GRHL1: variants seen among roughly 807,000 people sequenced by gnomAD.
GRHL1 encodes the protein grainyhead like transcription factor 1.
GRHL1 carries 38 observed loss-of-function variants against 75.7 expected under a neutral mutation model. That is an observed-to-expected ratio of 0.50 (90% confidence interval 0.39 to 0.66). The LOEUF (loss-of-function observed/expected upper bound fraction) is 0.66, where lower values mean the gene tolerates loss of function less well. GRHL1 is among the 30% of genes least tolerant of loss of function. The pLI is 0.00. For missense variants in GRHL1, 589 were observed against 767.5 expected (o/e 0.77, Z 2.75); for synonymous variants, 266 against 279.4 (o/e 0.95, Z 0.48).
chr2:9,966,074 T>C (rs1667481780), intron 8 of GRHL1: 1 of 152,240 alleles, frequency 6.6e-6, no homozygotes, highest in Non-Finnish European at 1.5e-5. Flanking sequence ...CTTTCTTTCT[T>C]TGGATTACTT....
Position 9,968,614 on chromosome 2 carries a change from G to A in GRHL1, c.1110+3233G>A, listed in dbSNP as rs577554358. Among the ~76,000 whole-genome samples, 37 of 152,276 alleles carry A rather than the reference G, an allele frequency of 2.4e-4. No individual in the cohort carries two copies. The highest frequency in any genetic ancestry group is 8.2e-4 in the African/African-American group (34 of 41,550). ...AATTGCCTTTGAAGCATTAAAAGAT[G>A]GAGCTTTGGTAAGATGCTGAAGTTT... On this transcript the variant is annotated intron_variant, in intron 8 of 15. Transcript: ENST00000324907. This position sits in a 1 kb window ranked among gnomAD's most constrained non-coding sequence, Gnocchi z 4.7.
intron 3 of GRHL1, chr2:9,960,833 G>A (rs945969836): frequency 1.6e-5 from 8 of 512,156 alleles, no homozygotes; most frequent in Admixed American, 3.4e-5. Context: ...TTAGTATTTC[G>A]AATGAAATTT....
At chr2:9,997,687 G>T (rs2125248375) in intron 14 of GRHL1, among the ~76,000 whole-genome samples, 1 of 152,076 alleles carries the variant, frequency 6.6e-6, no homozygotes, top group Non-Finnish European at 1.5e-5. Context: ...GCCAGGCTTG[G>T]TGGCAGGCGC....
At position 9,968,179 on chromosome 2, in the gene GRHL1, C is replaced by G. The variant is rs1248258089; in HGVS notation, c.1110+2798C>G. Among the ~76,000 whole-genome samples, 2 of 152,220 alleles carry G rather than the reference C, an allele frequency of 1.3e-5. No homozygotes were observed. Among genetic ancestry groups the G allele is most frequent in the Non-Finnish European group, 2.9e-5 (2 of 68,034 alleles). On this transcript the variant is annotated intron_variant, in intron 8 of 15. Transcript: ENST00000324907. This position sits in a 1 kb window ranked among gnomAD's most constrained non-coding sequence, Gnocchi z 4.7. ...TGTGAATGCTTTGGCTTACATTCCA[C>G]TTTGGGAAAAACACTGACGAAGCTA... is the stretch of plus-strand genomic sequence containing the variant.
rs759974048 is a variant in GRHL1 at position 9,993,189 on chromosome 2, C to A, written c.1462-18C>A. 5.7e-6 allele frequency: 9 copies of A among 1,576,582 alleles called. No homozygotes were observed. Among genetic ancestry groups the A allele is most frequent in the South Asian group, 5.5e-5 (5 of 90,342 alleles). On this transcript the variant is annotated intron_variant, in intron 11 of 15. Coordinates refer to ENST00000324907, the MANE Select transcript of GRHL1 (RefSeq NM_198182.3). The stretch of plus-strand genomic sequence containing the variant: ...TTTGAGCATACATTTGAAAAGCAAT[C>A]TATTCCTTTGGTCTTAGGTCCTTCC...
rs187686842 is a variant in GRHL1 at position 9,992,124 on chromosome 2, C to G, written c.1439C>G (p.Ala480Gly). ...CTCTTCATTCCTGACGTGCACTTTG[C>G]CAACTTGCAGCGGGGCACTCATGTA... The part of the protein sequence containing the change: ...PVLFIPDVHF[A>G]NLQRGTHVLP... The change falls in exon 11 of 16, where the codon GCC (alanine) becomes GGC (glycine). Residue 480 changes from alanine to glycine, a missense_variant. Ala to Gly is a moderately conservative substitution (Grantham distance 60). Transcript: ENST00000324907. This position sits in a 1 kb window ranked among gnomAD's most constrained non-coding sequence, Gnocchi z 4.6. 6.2e-7 allele frequency: 1 copy of G among 1,613,146 alleles called. No individual in the cohort carries two copies. Among genetic ancestry groups the G allele is most frequent in the East Asian group, 2.2e-5 (1 of 44,862 alleles).
At chr2:9,993,265 T>C (rs747807622) in intron 12 of GRHL1, 21 bp downstream of exon 12, 22 of 1,597,242 alleles carry the variant, frequency 1.4e-5, no homozygotes, top group Middle Eastern at 3.3e-4. Context: ...TGTTTTGTTT[T>C]GTTTTGTTTT....
intron 8 of GRHL1, among the ~76,000 whole-genome samples, chr2:9,984,775 T>C (rs1405458340): frequency 2.6e-5 from 4 of 151,828 alleles, no homozygotes; most frequent in African/African-American, 9.7e-5. Flanking sequence ...AATATTGTTC[T>C]TGTGGGCTGA....
rs1668410013 is a variant in GRHL1, at chr2:9,986,205, G to A, written c.1192G>A (p.Asp398Asn). The A allele has an allele frequency of 6.2e-7, 1 of 1,613,664 alleles. No individual in the cohort carries two copies. The highest frequency in any genetic ancestry group is 2.2e-5 in the East Asian group (1 of 44,836). ...VKGLPLNIQVDTYSYNNRSNK... is the reference protein window; with the variant it reads ...VKGLPLNIQVNTYSYNNRSNK... ...GGGGTTGCCTCTTAACATTCAAGTTGATACCTATAGTTACAACAACCGCAG... is the reference window on the plus strand; with the variant it reads ...GGGGTTGCCTCTTAACATTCAAGTTAATACCTATAGTTACAACAACCGCAG... Residue 398 changes from aspartate to asparagine, a missense_variant, in exon 9 of 16, where the codon GAT becomes AAT. Physicochemically the swap from Asp to Asn is conservative, Grantham distance 23. Transcript: ENST00000324907.
At position 9,998,758 on chromosome 2, in the gene GRHL1, A is replaced by ATATATGTACACACATATATACG. The variant is rs1553307227; in HGVS notation, c.1678-202_1678-201insGTACACACATATATACGTATAT. Among the ~76,000 whole-genome samples the ATATATGTACACACATATATACG allele has an allele frequency of 1.6e-3, 21 of 12,836 alleles. 3 individuals carry two copies. The highest frequency in any genetic ancestry group is 4.2e-3 in the Admixed American group (4 of 956). 8.4% of individuals were successfully genotyped at this position (12,836 alleles called of 152,430 possible). A position where few individuals can be genotyped will look rare whatever the true frequency, so the allele number is the denominator to read the frequency against. ...TATATATGTACACACATATATACGT[A>ATATATGTACACACATATATACG]TATATATGTACACACATATATACGT... On this transcript the variant is annotated intron_variant, in intron 14 of 15. Coordinates refer to ENST00000324907, the MANE Select transcript of GRHL1 (RefSeq NM_198182.3).
At chr2:9,970,750 G>A (rs1667690759) in intron 8 of GRHL1, among the ~76,000 whole-genome samples, 2 of 152,220 alleles carry the variant, frequency 1.3e-5, no homozygotes, top group Admixed American at 6.5e-5. Context: ...AGAGGACGCT[G>A]TGCTTTTCAT....
At position 10,000,779 on chromosome 2, in the gene GRHL1, G is replaced by A; in HGVS notation, c.*72G>A. ...AGATCTTACGGTTTGGCAACTGCAGGTAACCCCAGTCAGCCATGTCGCCAG... is the reference window on the plus strand; with the variant it reads ...AGATCTTACGGTTTGGCAACTGCAGATAACCCCAGTCAGCCATGTCGCCAG... On this transcript the variant is annotated 3_prime_UTR_variant, in exon 16 of 16. Transcript: ENST00000324907. The A allele has an allele frequency of 1.2e-6, 1 of 809,404 alleles. No individual in the cohort carries two copies. The allele number at this position is 809,404 out of a possible 1,614,324, so 50.1% of individuals were successfully genotyped here. A position where few individuals can be genotyped will look rare whatever the true frequency, so the allele number is the denominator to read the frequency against.
intron 8 of GRHL1, among the ~76,000 whole-genome samples, chr2:9,967,285 C>T (rs1227624082): frequency 1.3e-5 from 2 of 152,334 alleles, no homozygotes; most frequent in East Asian, 3.9e-4. Context: ...TGGGTGTGGT[C>T]AGGATTAATA....
At chr2:9,981,273 G>A (rs1455312132) in intron 8 of GRHL1, among the ~76,000 whole-genome samples, 1 of 152,250 alleles carries the variant, frequency 6.6e-6, no homozygotes, top group Non-Finnish European at 1.5e-5. Context: ...GTGTGGGCTG[G>A]GCTGATAGGG....
intron 12 of GRHL1, chr2:9,995,206 C>G (rs1668803527): frequency 6.6e-6 from 1 of 152,252 alleles, no homozygotes; most frequent in Non-Finnish European, 1.5e-5. Context: ...CCTGCTCACA[C>G]TTCCTCAGTG....
intron 5 of GRHL1, 112 bp from the exon 6 acceptor site, chr2:9,963,774 T>C: frequency 4.2e-6 from 3 of 709,232 alleles, no homozygotes; most frequent in East Asian, 2.9e-5. Flanking sequence ...TGAGTACTTT[T>C]GTTTCAGATT....
Position 9,955,264 on chromosome 2 carries a change from A to G in GRHL1, c.207+163A>G, listed in dbSNP as rs551425880. ...GACTTACTGTGATTCGAAGCTAAAA[A>G]TCTGTGATTGTAGAATCAAAGGGTT... On this transcript the variant is annotated intron_variant, in intron 2 of 15. Coordinates refer to ENST00000324907, the MANE Select transcript of GRHL1 (RefSeq NM_198182.3). Among the ~76,000 whole-genome samples, 7 of 152,338 alleles carry G rather than the reference A, an allele frequency of 4.6e-5. No homozygotes were observed. In the South Asian group the frequency reaches 8.3e-4, roughly 18 times the overall value.
chr2:9,973,093 C>T lies in GRHL1; in HGVS notation c.1110+7712C>T, dbSNP rs552261591. Among the ~76,000 whole-genome samples, 4 of 152,330 alleles carry T rather than the reference C, an allele frequency of 2.6e-5. No individual in the cohort carries two copies. In the East Asian group the frequency reaches 5.8e-4, roughly 22 times the overall value. ...CCCACATCTCTGTCCTCCCTGCCCG[C>T]CTCCTGCCAATTCTTTTTCTTTTCC... On this transcript the variant is annotated intron_variant, in intron 8 of 15. Coordinates refer to ENST00000324907, the MANE Select transcript of GRHL1 (RefSeq NM_198182.3).
chr2:9,985,616 C>T (rs79243611), intron 8 of GRHL1, among the ~76,000 whole-genome samples: 3,994 of 152,296 alleles, frequency 0.026, 173 homozygotes, highest in African/African-American at 0.09. Context: ...TGAGAGAGAA[C>T]TTTATTGGAA....
Sources: allele counts gnomAD v4.1 joint callset (sites outside exome capture counted in the v4.1 genomes callset), GRCh38; gene constraint gnomAD v4.1.1; non-coding constraint Gnocchi (gnomAD v3.1); transcripts MANE v1.5; gene names NCBI Gene and HGNC (gene_info 2026-07-23, HGNC 2026-07-21).